Variants in CCDC171 observed in about 807,000 individuals in gnomAD.
CCDC171 encodes coiled-coil domain containing 171.
Under a neutral mutation model 168.2 loss-of-function variants are expected in CCDC171, and 177 were observed. The ratio of observed to expected loss-of-function variants is 1.05; its 90% CI spans 0.93 to 1.19. The LOEUF is 1.19. Among genes scored for constraint, CCDC171 ranks in the 50% most tolerant of loss-of-function variants. The pLI, the probability that CCDC171 is intolerant of heterozygous loss-of-function variation, is 0.00. For missense variants in CCDC171, 1,991 were observed against 1,539.0 expected, an observed-to-expected ratio of 1.29 and a Z score of -4.91; for synonymous variants, 687 against 540.8, an observed-to-expected ratio of 1.27 and a Z score of -3.75.
chr9:15,626,380 C>T (rs1032433373), intron 7 of CCDC171, among the ~76,000 whole-genome samples: 3 of 152,152 alleles, frequency 2.0e-5, no homozygotes, highest in Non-Finnish European at 2.9e-5. Context: ...GAGGGCATCC[C>T]TGTCTTGGGC....
At chr9:15,710,586 C>A (rs2052589222) in intron 11 of CCDC171, among the ~76,000 whole-genome samples, 1 of 151,556 alleles carries the variant, frequency 6.6e-6, no homozygotes, top group African/African-American at 2.4e-5. Flanking sequence ...CAGGTGTGAG[C>A]CACTGTGCCA....
At chr9:15,709,513 A>G (rs1390595156) in intron 11 of CCDC171, among the ~76,000 whole-genome samples, 2 of 152,218 alleles carry the variant, frequency 1.3e-5, no homozygotes. Context: ...TTTCTAAGGC[A>G]AAAACTAGAG....
At chr9:15,853,033 T>A (rs1563872663) in intron 23 of CCDC171, among the ~76,000 whole-genome samples, 1 of 151,692 alleles carries the variant, frequency 6.6e-6, no homozygotes, top group African/African-American at 2.4e-5. Context: ...TTTCTAGATC[T>A]CAAGATTGTT....
Position 15,591,568 on chromosome 9 carries a change from T to C in CCDC171, c.543+12T>C. The C allele has an allele frequency of 1.4e-6, 2 of 1,414,622 alleles. No individual in the cohort carries two copies. The highest frequency in any genetic ancestry group is 1.9e-6 in the Non-Finnish European group (2 of 1,031,674). The allele number at this position is 1,414,622 out of a possible 1,614,324, so 87.6% of individuals were successfully genotyped here. A position where few individuals can be genotyped will look rare whatever the true frequency, so the allele number is the denominator to read the frequency against. On this transcript the variant is annotated intron_variant, in intron 5 of 25. Transcript: ENST00000380701. ...AGAAAACTCTACAGGTAAAATAGTT[T>C]TTATAAAGGAATTTTCCGATATGTA...
intron 7 of CCDC171, among the ~76,000 whole-genome samples, chr9:15,631,538 C>G (rs906843584): frequency 6.6e-6 from 1 of 152,060 alleles, no homozygotes; most frequent in Non-Finnish European, 1.5e-5. Flanking sequence ...CAATAGCTTA[C>G]CAACCAAAAA....
intron 25 of CCDC171, chr9:15,922,115 C>G: frequency 2.7e-6 from 1 of 372,948 alleles, no homozygotes; most frequent in Non-Finnish European, 5.8e-6. Flanking sequence ...CTACAGGATA[C>G]ATTCATCATT....
At chr9:15,663,435 C>G (rs959293123) in intron 8 of CCDC171, among the ~76,000 whole-genome samples, 2 of 151,606 alleles carry the variant, frequency 1.3e-5, no homozygotes, top group Admixed American at 6.6e-5. Flanking sequence ...TTATTCTTGT[C>G]CCTCCCATTC....
At chr9:16,014,724 G>C (rs1019862869) in intron 3 of CCDC171, among the ~76,000 whole-genome samples, 5 of 152,094 alleles carry the variant, frequency 3.3e-5, no homozygotes, top group Non-Finnish European at 7.4e-5. Flanking sequence ...AGGGTGACTA[G>C]GTGCATTGTC....
chr9:15,856,719 C>T (rs1363109463), intron 23 of CCDC171, among the ~76,000 whole-genome samples: 1 of 151,888 alleles, frequency 6.6e-6, no homozygotes, highest in Non-Finnish European at 1.5e-5. Context: ...TAGATAAATA[C>T]CCAGAAGTGG....
intron 8 of CCDC171, 100 bp downstream of exon 8, chr9:15,657,319 G>T (rs1040060918): frequency 1.4e-5 from 9 of 660,536 alleles, no homozygotes; most frequent in African/African-American, 5.5e-5. Flanking sequence ...TGTGCATTGA[G>T]AATGGGTAAC....
intron 6 of CCDC171, among the ~76,000 whole-genome samples, chr9:15,612,281 A>G (rs560520608): frequency 3.9e-4 from 59 of 152,296 alleles, no homozygotes; most frequent in South Asian, 1.4e-3. Context: ...CGCATTTAGA[A>G]AAGATGAAAA....
chr9:15,633,223 G>T (rs2045895281), intron 7 of CCDC171, among the ~76,000 whole-genome samples: 2 of 152,142 alleles, frequency 1.3e-5, no homozygotes, highest in African/African-American at 4.8e-5. Context: ...ACTACCGTCA[G>T]AGTGAACAGG....
At chr9:16,106,767 C>T in the CCDC171 span, among the ~76,000 whole-genome samples, 2 of 152,076 alleles carry the variant, frequency 1.3e-5, no homozygotes, top group Non-Finnish European at 2.9e-5. Context: ...AACAATAAAA[C>T]TAAATGCTAG....
In CCDC171 at chr9:15,819,483, G is replaced by A. The variant is rs1314587645; in HGVS notation, c.3268-27219G>A. 6.0e-5 allele frequency among the ~76,000 whole-genome samples: 7 copies of A among 116,850 alleles called. 2 individuals carry two copies. Among genetic ancestry groups the A allele is most frequent in the Non-Finnish European group, 9.6e-5 (5 of 52,170 alleles). 76.7% of individuals were successfully genotyped at this position (116,850 alleles called of 152,430 possible). A position where few individuals can be genotyped will look rare whatever the true frequency, so the allele number is the denominator to read the frequency against. ...AGACACCCATAGACTCAAAATAAAGGGATGGAGGAAGATCTACCAAGCAAA... is the reference window on the plus strand; with the variant it reads ...AGACACCCATAGACTCAAAATAAAGAGATGGAGGAAGATCTACCAAGCAAA... On this transcript the variant is annotated intron_variant, in intron 21 of 25. Transcript: ENST00000380701.
chr9:15,590,590 G>C (rs974804435), intron 4 of CCDC171, among the ~76,000 whole-genome samples: 1 of 152,150 alleles, frequency 6.6e-6, no homozygotes, highest in Non-Finnish European at 1.5e-5. Flanking sequence ...AAAGTAAATA[G>C]TTACAGTTCT....
intron 24 of CCDC171, among the ~76,000 whole-genome samples, chr9:15,909,593 G>C (rs1823311592): frequency 1.3e-5 from 2 of 152,144 alleles, no homozygotes; most frequent in South Asian, 2.1e-4. Context: ...CATCTTTGAT[G>C]GGGATTTTAT....
chr9:16,011,063 G>C (rs1274712094), intron 3 of CCDC171, among the ~76,000 whole-genome samples: 1 of 152,188 alleles, frequency 6.6e-6, no homozygotes, highest in Non-Finnish European at 1.5e-5. Context: ...TAAAGCAAGA[G>C]GTTGTATGGA....
chr9:15,909,007 T>A (rs1823195379), intron 24 of CCDC171, among the ~76,000 whole-genome samples: 1 of 152,214 alleles, frequency 6.6e-6, no homozygotes, highest in South Asian at 2.1e-4. Context: ...TTGCATTACC[T>A]GTTTAACCAT....
intron 10 of CCDC171, 102 bp from the exon 11 acceptor site, chr9:15,695,133 G>A: frequency 1.4e-6 from 1 of 724,708 alleles, no homozygotes; most frequent in Non-Finnish European, 2.4e-6. Flanking sequence ...TATTTGAATG[G>A]AATCATTATC....
Sources: allele counts gnomAD v4.1 joint callset (sites outside exome capture counted in the v4.1 genomes callset), GRCh38; gene constraint gnomAD v4.1.1; transcripts MANE v1.5; gene names NCBI Gene and HGNC (gene_info 2026-07-23, HGNC 2026-07-21).